Variants in ADAT1 observed in about 807,000 individuals in gnomAD.
The protein encoded by ADAT1 is adenosine deaminase tRNA specific 1.
In ADAT1, 58 loss-of-function variants were observed where a neutral mutation model predicts 58.6. That is an observed-to-expected ratio of 0.99 (90% CI 0.80 to 1.23). The LOEUF (loss-of-function observed/expected upper bound fraction) is 1.23. ADAT1 is among the 50% of genes most tolerant of loss of function. The pLI is 0.00. For synonymous variants in ADAT1, 254 were observed against 220.8 expected (o/e 1.15, Z -1.33); for missense variants, 741 against 608.6 (o/e 1.22, Z -2.29).
chr16:75,599,172 C>T lies in ADAT1; in HGVS notation c.*1044G>A, dbSNP rs1031039846. The T allele has an allele frequency of 2.1e-6, 2 of 953,866 alleles. No homozygotes were observed. Among genetic ancestry groups the T allele is most frequent in the African/African-American group, 3.6e-5 (2 of 55,770 alleles). The allele number at this position is 953,866 out of a possible 1,614,324, so 59.1% of individuals were successfully genotyped here. The stretch of plus-strand genomic sequence containing the variant: ...TCTTTGCTCACCACTACCTCCGCCT[C>T]CTGGGTTCAAGCAATTCTCCTGCCT... On this transcript the variant is annotated 3_prime_UTR_variant, in exon 10 of 10. Transcript: ENST00000564657.
At chr16:75,608,494 G>A in intron 7 of ADAT1, 171 bp from the exon 8 acceptor site, 2 of 598,746 alleles carry the variant, frequency 3.3e-6, no homozygotes, top group East Asian at 2.8e-5. Flanking sequence ...AGTCTAAGTG[G>A]TTCATAATTC....
At chr16:75,601,323 C>T (rs144008001) in intron 9 of ADAT1, among the ~76,000 whole-genome samples, 50 of 150,902 alleles carry the variant, frequency 3.3e-4, no homozygotes, top group Non-Finnish European at 6.9e-4. Context: ...GACTGGGCGA[C>T]AGAGCAAGAC....
chr16:75,608,356 G>A (rs1312570652), intron 7 of ADAT1, 33 bp from the exon 8 acceptor site: 1 of 1,540,120 alleles, frequency 6.5e-7, no homozygotes, highest in Non-Finnish European at 9.0e-7. Context: ...GGTTAAAACT[G>A]CTCAATTTCT....
rs759967288 is a variant in ADAT1, at chr16:75,617,150, T to C, written c.416A>G (p.His139Arg). The C allele has an allele frequency of 6.8e-6, 11 of 1,613,434 alleles. No homozygotes were observed. Among genetic ancestry groups the C allele is most frequent in the East Asian group, 2.2e-5 (1 of 44,892 alleles). ...RDLIFVFFSS[H>R]TPCGDASIIP... ...GGCTTGAATATACTTACAGGGTGTA[T>C]GGCTGGAGAAAAACACAAAAATGAG... is the stretch of plus-strand genomic sequence containing the variant. The change falls in exon 5 of 10, where the codon CAT (histidine) becomes CGT (arginine). Residue 139 changes from histidine to arginine, a missense_variant. Physicochemically the swap from His to Arg is conservative, Grantham distance 29 (BLOSUM62 0). Transcript: ENST00000564657.
Position 75,600,034 on chromosome 16 carries a change from G to A in ADAT1, c.*182C>T, listed in dbSNP as rs1179722266. ...ATTAGTGAGATGCCATTTTAGCAGA[G>A]AGCTACTTCAATCAAGTATAGCTTG... On this transcript the variant is annotated 3_prime_UTR_variant, in exon 10 of 10. Coordinates refer to ENST00000564657, the MANE Select transcript of ADAT1 (RefSeq NM_001324445.2). The A allele has an allele frequency of 1.4e-6, 2 of 1,428,598 alleles. No homozygotes were observed. Among genetic ancestry groups the A allele is most frequent in the East Asian group, 4.9e-5 (2 of 40,814 alleles). The allele number at this position is 1,428,598 out of a possible 1,614,324, so 88.5% of individuals were successfully genotyped here. A position where few individuals can be genotyped will look rare whatever the true frequency, so the allele number is the denominator to read the frequency against.
chr16:75,603,006 A>T, intron 9 of ADAT1, 79 bp downstream of exon 9: 1 of 1,347,570 alleles, frequency 7.4e-7, no homozygotes, highest in Non-Finnish European at 1.1e-6. Context: ...CACTCCTGCC[A>T]AAGCTTCTTG....
intron 8 of ADAT1, among the ~76,000 whole-genome samples, chr16:75,603,841 C>T (rs2081290648): frequency 1.3e-5 from 2 of 152,178 alleles, no homozygotes; most frequent in African/African-American, 2.4e-5. Context: ...CTCACTTTTA[C>T]ACACCACACT....
chr16:75,619,637 G>A (rs1211181387), intron 3 of ADAT1: 2 of 455,664 alleles, frequency 4.4e-6, no homozygotes, highest in South Asian at 3.1e-5. Flanking sequence ...CTTACCAGGT[G>A]CGGTGGCTCA....
At chr16:75,601,341 CAA>C (rs906907559) in intron 9 of ADAT1, among the ~76,000 whole-genome samples, 3 of 139,398 alleles carry the variant, frequency 2.2e-5, no homozygotes, top group African/African-American at 2.6e-5. Context: ...GACACTGTCT[CAA>C]AAAAAAAAAA....
rs746208678 is a variant in ADAT1 at position 75,612,616 on chromosome 16, C to G, written c.670G>C (p.Gly224Arg). 8.1e-6 allele frequency: 13 copies of G among 1,614,056 alleles called. No homozygotes were observed. Among genetic ancestry groups the G allele is most frequent in the Non-Finnish European group, 1.0e-5 (12 of 1,180,028 alleles). The change falls in exon 6 of 10, where the codon GGC becomes CGC. Residue 224 changes from glycine (G) to arginine (R), a missense_variant. Gly to Arg is a moderately radical substitution (Grantham distance 125, BLOSUM62 -2). Coordinates refer to ENST00000564657, the MANE Select transcript of ADAT1 (RefSeq NM_001324445.2). ...CTGTGGATGCCTGGTGAGATTGGGC[C>G]ACTTTTCTGCTTGCCAAAACTCTGA... ...HHQSFGKQKS[G>R]PISPGIHSCD...
intron 8 of ADAT1, among the ~76,000 whole-genome samples, chr16:75,607,996 T>C (rs2081416913): frequency 6.6e-6 from 1 of 152,186 alleles, no homozygotes; most frequent in Admixed American, 6.5e-5. Flanking sequence ...AAAGGTCATA[T>C]ACTGTAGGAT....
intron 1 of ADAT1, among the ~76,000 whole-genome samples, chr16:75,621,241 C>T (rs896802707): frequency 1.6e-5 from 2 of 127,982 alleles, no homozygotes; most frequent in African/African-American, 5.5e-5. Flanking sequence ...ATGTTCTTAT[C>T]TGTCTTCTTT....
intron 5 of ADAT1, among the ~76,000 whole-genome samples, chr16:75,616,557 A>C (rs939374524): frequency 3.3e-5 from 5 of 152,216 alleles, no homozygotes; most frequent in Non-Finnish European, 5.9e-5. Flanking sequence ...AAAGAAAAAC[A>C]AAAGACGGAA....
chr16:75,617,836 G>A (rs1271842580), intron 4 of ADAT1, among the ~76,000 whole-genome samples: 9 of 150,446 alleles, frequency 6.0e-5, no homozygotes, highest in South Asian at 4.2e-4. Context: ...CTGTAAATCC[G>A]GCACTTTAGG....
intron 5 of ADAT1, among the ~76,000 whole-genome samples, chr16:75,616,102 G>T (rs1409502291): frequency 6.6e-6 from 1 of 151,378 alleles, no homozygotes; most frequent in East Asian, 1.9e-4. Flanking sequence ...TCTGCCTCCC[G>T]GGTTCAAATG....
intron 1 of ADAT1, among the ~76,000 whole-genome samples, chr16:75,621,459 C>A (rs2081928143): frequency 6.6e-6 from 1 of 151,974 alleles, no homozygotes; most frequent in Non-Finnish European, 1.5e-5. Context: ...CTTAACCTTG[C>A]TGGGTCTGTT....
chr16:75,601,277 T>C (rs1224889083), intron 9 of ADAT1, among the ~76,000 whole-genome samples: 1 of 146,876 alleles, frequency 6.8e-6, no homozygotes, highest in Non-Finnish European at 1.5e-5. Context: ...GAAGCGGAGG[T>C]TCCTGTAAGC....
intron 5 of ADAT1, among the ~76,000 whole-genome samples, chr16:75,613,969 A>G (rs1248335711): frequency 6.6e-6 from 1 of 152,106 alleles, no homozygotes; most frequent in East Asian, 1.9e-4. Flanking sequence ...AGGTGGGCGG[A>G]TCACGAGGTG....
At chr16:75,610,058 T>C (rs2081482003) in intron 6 of ADAT1, among the ~76,000 whole-genome samples, 1 of 152,180 alleles carries the variant, frequency 6.6e-6, no homozygotes, top group Non-Finnish European at 1.5e-5. Flanking sequence ...TTCTAGATAT[T>C]ACACAAATAA....
Sources: allele counts gnomAD v4.1 joint callset (sites outside exome capture counted in the v4.1 genomes callset), GRCh38; gene constraint gnomAD v4.1.1; transcripts MANE v1.5; gene names NCBI Gene and HGNC (gene_info 2026-07-23, HGNC 2026-07-21).